Variants in SGCZ observed in about 807,000 individuals in gnomAD.
The protein encoded by SGCZ is zeta-sarcoglycan.
In SGCZ, 40 loss-of-function variants were observed where a neutral mutation model predicts 41.3. The observed-to-expected ratio is 0.97, with a 90% CI of 0.75 to 1.26. SGCZ has a LOEUF of 1.26. Among genes scored for constraint, SGCZ ranks in the 50% most tolerant of loss-of-function variants. The pLI is 0.00. For missense variants in SGCZ, 552 were observed against 369.8 expected (o/e 1.49, Z -4.04); for synonymous variants, 206 against 137.5 (o/e 1.50, Z -3.49).
intron 1 of SGCZ, among the ~76,000 whole-genome samples, chr8:14,750,835 A>C (rs937868147): frequency 6.6e-6 from 1 of 152,200 alleles, no homozygotes; most frequent in African/African-American, 2.4e-5. Context: ...TACTGTGCCT[A>C]TTCAGGTTTG....
At chr8:14,864,819 T>C (rs142885890) in intron 1 of SGCZ, among the ~76,000 whole-genome samples, 1 of 152,238 alleles carries the variant, frequency 6.6e-6, no homozygotes, top group African/African-American at 2.4e-5. Flanking sequence ...TTCCTCCTTA[T>C]CCTCATCAGT....
chr8:15,212,376 G>C (rs904714705), intron 1 of SGCZ, among the ~76,000 whole-genome samples: 7 of 152,044 alleles, frequency 4.6e-5, no homozygotes, highest in Non-Finnish European at 1.0e-4. Context: ...TTAATTTTGT[G>C]ATCAGCCCAA....
intron 1 of SGCZ, among the ~76,000 whole-genome samples, chr8:15,223,533 G>A (rs1175505339): frequency 3.3e-5 from 5 of 152,082 alleles, no homozygotes; most frequent in Admixed American, 6.6e-5. Flanking sequence ...TTCTGTATTT[G>A]ATCCAGTAAC....
At chr8:14,412,754 T>C (rs887270337) in intron 2 of SGCZ, among the ~76,000 whole-genome samples, 25 of 152,090 alleles carry the variant, frequency 1.6e-4, no homozygotes, top group African/African-American at 5.5e-4. Context: ...AGCTCACTAA[T>C]AATGCGCACG....
chr8:14,710,925 C>T (rs572070959), intron 1 of SGCZ, among the ~76,000 whole-genome samples: 4 of 152,024 alleles, frequency 2.6e-5, no homozygotes, highest in Non-Finnish European at 5.9e-5. Flanking sequence ...AGTTAGTAAA[C>T]TAAGAAATAG....
chr8:14,457,099 C>T (rs1386912526), intron 2 of SGCZ, among the ~76,000 whole-genome samples: 1 of 152,146 alleles, frequency 6.6e-6, no homozygotes, highest in African/African-American at 2.4e-5. Context: ...ATAGTTATAC[C>T]AGATATACCT....
intron 2 of SGCZ, among the ~76,000 whole-genome samples, chr8:14,405,257 A>G (rs1248119355): frequency 6.6e-6 from 1 of 152,234 alleles, no homozygotes; most frequent in Non-Finnish European, 1.5e-5. Context: ...GGCAACAAAT[A>G]AAATGTAGTT....
At chr8:15,233,350 G>C (rs1044545905) in intron 1 of SGCZ, among the ~76,000 whole-genome samples, 15 of 145,490 alleles carry the variant, frequency 1.0e-4, no homozygotes, top group African/African-American at 3.8e-4. Context: ...AAAAAAGAAA[G>C]AAAGAAAAAA....
At chr8:14,773,568 T>A (rs937214391) in intron 1 of SGCZ, among the ~76,000 whole-genome samples, 1 of 152,238 alleles carries the variant, frequency 6.6e-6, no homozygotes, top group Non-Finnish European at 1.5e-5. Flanking sequence ...GATAGTTTTA[T>A]GCCCTTCTGC....
At chr8:14,801,201 T>C (rs1483188262) in intron 1 of SGCZ, among the ~76,000 whole-genome samples, 1 of 152,206 alleles carries the variant, frequency 6.6e-6, no homozygotes, top group Admixed American at 6.5e-5. Context: ...TGTGTATGTG[T>C]ACACAAACTC....
At chr8:14,258,058 T>C (rs897681903) in intron 3 of SGCZ, among the ~76,000 whole-genome samples, 4 of 152,198 alleles carry the variant, frequency 2.6e-5, no homozygotes, top group Admixed American at 6.5e-5. Context: ...GAACTTGGAC[T>C]TTTAATTACA....
chr8:14,178,816 C>T (rs984416630), intron 4 of SGCZ, among the ~76,000 whole-genome samples: 2 of 152,114 alleles, frequency 1.3e-5, no homozygotes, highest in Non-Finnish European at 2.9e-5. Flanking sequence ...GAGATAAATG[C>T]TTACAGGAGA....
At chr8:14,715,075 C>G (rs143895834) in intron 1 of SGCZ, among the ~76,000 whole-genome samples, 47 of 151,882 alleles carry the variant, frequency 3.1e-4, no homozygotes, top group African/African-American at 1.1e-3. Flanking sequence ...AGTCAGTTTT[C>G]AAAAACAAAA....
chr8:14,855,479 T>C (rs1208950135), intron 1 of SGCZ, among the ~76,000 whole-genome samples: 3 of 152,194 alleles, frequency 2.0e-5, no homozygotes, highest in African/African-American at 7.2e-5. Context: ...ACAGTGTCCA[T>C]ACTTGCAGGA....
intron 1 of SGCZ, among the ~76,000 whole-genome samples, chr8:15,223,405 G>A (rs190515474): frequency 1.3e-5 from 2 of 152,222 alleles, no homozygotes; most frequent in East Asian, 1.9e-4. Flanking sequence ...ACACAAAGAC[G>A]ACTCCTTGTG....
At chr8:14,514,224 A>G (rs1307901795) in intron 2 of SGCZ, among the ~76,000 whole-genome samples, 1 of 152,038 alleles carries the variant, frequency 6.6e-6, no homozygotes, top group Non-Finnish European at 1.5e-5. Context: ...TTAGAAATGC[A>G]TTATTTTAAG....
intron 1 of SGCZ, among the ~76,000 whole-genome samples, chr8:15,189,737 G>T (rs759326505): frequency 1.3e-5 from 2 of 152,014 alleles, no homozygotes; most frequent in African/African-American, 2.4e-5. Flanking sequence ...TTTTAGTAGA[G>T]AAGGGGTTTT....
At chr8:14,449,918 T>G (rs368278734) in intron 2 of SGCZ, among the ~76,000 whole-genome samples, 2 of 152,138 alleles carry the variant, frequency 1.3e-5, no homozygotes, top group Non-Finnish European at 2.9e-5. Flanking sequence ...AACAACATCA[T>G]GTACAAAACT....
rs10672041 is a variant in SGCZ at position 14,669,194 on chromosome 8, A to AATATATAT, written c.40-114276_40-114269dup. ...TACAAACACACACACACACACTACA[A>AATATATAT]ATATATATATATATATAGCTGGGCA... On this transcript the variant is annotated intron_variant, in intron 1 of 7. Transcript: ENST00000382080. 7.4e-4 allele frequency among the ~76,000 whole-genome samples: 109 copies of AATATATAT among 146,730 alleles called. 1 individual carries two copies. Among genetic ancestry groups the AATATATAT allele is most frequent in the East Asian group, 5.6e-3 (27 of 4,864 alleles).
Sources: gnomAD v4.1 joint callset for allele counts (sites outside exome capture counted in the v4.1 genomes callset) on GRCh38, gnomAD v4.1.1 for gene constraint, MANE v1.5 for transcripts, NCBI Gene and HGNC (gene_info 2026-07-23, HGNC 2026-07-21) for gene names.